Variants in SURF2 observed in about 807,000 individuals in gnomAD.
The protein encoded by SURF2 is surfeit locus protein 2.
In SURF2, 32 loss-of-function variants were observed where a neutral mutation model predicts 26.2. The ratio of observed to expected loss-of-function variants is 1.22; its 90% CI spans 0.92 to 1.64. SURF2 has a LOEUF of 1.64. Ranked by LOEUF, SURF2 falls within the 40% of genes most tolerant of loss-of-function variation. The probability of loss-of-function intolerance (pLI) is 0.00; values close to 1 mark genes in which losing one functional copy is unlikely to be tolerated. For missense variants in SURF2, 415 were observed against 341.6 expected (o/e 1.21, Z -1.69); for synonymous variants, 173 against 139.1 (o/e 1.24, Z -1.71).
rs2130050984 is a variant in SURF2, at chr9:133,360,388, G to A, written c.641G>A (p.Arg214Lys). Residue 214 changes from arginine to lysine, a missense_variant, in exon 5 of 6, where the codon AGG (arginine) becomes AAG (lysine). By Grantham distance (26) the Arg-to-Lys change is conservative (BLOSUM62 2). Coordinates refer to ENST00000371964, the MANE Select transcript of SURF2 (RefSeq NM_017503.5). ...AGAGAGAAGGCCACTGATGAGGGCA[G>A]GAGAGAGACGACCGTGTACCGAGGG... is the stretch of plus-strand genomic sequence containing the variant. ...PPREKATDEG[R>K]RETTVYRGLV... 2 of 1,613,236 alleles carry A rather than the reference G, an allele frequency of 1.2e-6. No individual in the cohort carries two copies. The highest frequency in any genetic ancestry group is 1.1e-5 in the South Asian group (1 of 91,052).
chr9:133,359,276 C>T (rs1422094349), intron 3 of SURF2, among the ~76,000 whole-genome samples: 2 of 152,142 alleles, frequency 1.3e-5, no homozygotes, highest in Non-Finnish European at 2.9e-5. Context: ...GTGGCAGAGA[C>T]AAGGAGGGAA....
intron 5 of SURF2, 148 bp from the exon 6 acceptor site, chr9:133,360,908 C>A: frequency 1.3e-6 from 1 of 783,606 alleles, no homozygotes; most frequent in Non-Finnish European, 2.1e-6. Flanking sequence ...AATCCTGCAG[C>A]TGTTAAGGAA....
At chr9:133,360,551 C>T in intron 5 of SURF2, 117 bp downstream of exon 5, 4 of 1,281,752 alleles carry the variant, frequency 3.1e-6, no homozygotes, top group Non-Finnish European at 4.2e-6. Context: ...GCCAACAACA[C>T]ACAAGAACCA....
intron 1 of SURF2, 111 bp from the exon 2 acceptor site, chr9:133,356,803 G>C: frequency 7.1e-7 from 1 of 1,415,098 alleles, no homozygotes; most frequent in Non-Finnish European, 9.3e-7. Context: ...GAGGGCAGGG[G>C]AGAGGGCGCG....
At chr9:133,358,384 C>T (rs1399374838) in intron 3 of SURF2, among the ~76,000 whole-genome samples, 1 of 152,020 alleles carries the variant, frequency 6.6e-6, no homozygotes, top group Non-Finnish European at 1.5e-5. Flanking sequence ...TCCTTGACTG[C>T]GGTCATCCAG....
intron 2 of SURF2, 50 bp downstream of exon 2, chr9:133,357,118 C>A: frequency 6.8e-7 from 1 of 1,471,902 alleles, no homozygotes. Context: ...TAGGACAGCC[C>A]CTCCGCTGGA....
In SURF2 at chr9:133,360,343, A is replaced by G; in HGVS notation, c.596A>G (p.Asp199Gly). Residue 199 changes from aspartate to glycine, a missense_variant, in exon 5 of 6, where the codon GAT (aspartate) becomes GGT (glycine). Coordinates refer to ENST00000371964, the MANE Select transcript of SURF2 (RefSeq NM_017503.5). ...GATGACTTTTTGACAGACAAAGAGG[A>G]TGAGAAGGCAAAGCCCCCAAGAGAG... is the stretch of plus-strand genomic sequence containing the variant. ...GTDDFLTDKE[D>G]EKAKPPREKA... 6 of 1,614,172 alleles carry G rather than the reference A, an allele frequency of 3.7e-6. No individual in the cohort carries two copies. The highest frequency in any genetic ancestry group is 4.2e-6 in the Non-Finnish European group (5 of 1,180,034).
At chr9:133,357,632 G>A in intron 2 of SURF2, 79 bp from the exon 3 acceptor site, 1 of 1,375,950 alleles carries the variant, frequency 7.3e-7, no homozygotes, top group Non-Finnish European at 1.0e-6. Flanking sequence ...GACTGTCCAG[G>A]GATGAGTCCA....
intron 3 of SURF2, 42 bp downstream of exon 3, chr9:133,357,856 T>G: frequency 6.3e-7 from 1 of 1,586,792 alleles, no homozygotes; most frequent in Non-Finnish European, 8.6e-7. Context: ...GCCATCTGAG[T>G]GCATGCCCGC....
intron 3 of SURF2, among the ~76,000 whole-genome samples, chr9:133,358,845 C>T (rs2130040729): frequency 6.6e-5 from 10 of 152,124 alleles, no homozygotes; most frequent in Admixed American, 1.3e-4. Context: ...GAGGCTGGAG[C>T]GGACAGATTC....
chr9:133,356,802 G>A, intron 1 of SURF2, 112 bp from the exon 2 acceptor site: 1 of 1,432,194 alleles, frequency 7.0e-7, no homozygotes, highest in South Asian at 1.4e-5. Context: ...GGAGGGCAGG[G>A]GAGAGGGCGC....
chr9:133,356,681 C>A lies in SURF2; in HGVS notation c.78+11C>A. ...ACGGACGCCCGCAAGGTTCGCAGCG[C>A]GGGAGGGGAACGGAGTGGCGGAGAA... On this transcript the variant is annotated intron_variant, in intron 1 of 5. Coordinates refer to ENST00000371964, the MANE Select transcript of SURF2 (RefSeq NM_017503.5). The A allele has an allele frequency of 1.3e-6, 2 of 1,485,818 alleles. No homozygotes were observed. Among genetic ancestry groups the A allele is most frequent in the South Asian group, 2.5e-5 (2 of 80,148 alleles). 92.0% of individuals were successfully genotyped at this position (1,485,818 alleles called of 1,614,324 possible). A position where few individuals can be genotyped will look rare whatever the true frequency, so the allele number is the denominator to read the frequency against.
intron 3 of SURF2, among the ~76,000 whole-genome samples, chr9:133,358,128 G>A (rs2130038502): frequency 2.0e-5 from 3 of 152,284 alleles, no homozygotes; most frequent in African/African-American, 4.8e-5. Flanking sequence ...TGAGGGATTC[G>A]CTCGAGGCTG....
Position 133,356,988 on chromosome 9 carries a change from G to C in SURF2, c.153G>C (p.Lys51Asn). 1 of 1,572,532 alleles carries C rather than the reference G, an allele frequency of 6.4e-7. No homozygotes were observed. Among genetic ancestry groups the C allele is most frequent in the African/African-American group, 1.3e-5 (1 of 74,274 alleles). ...TCCAGGTCTACACCCGCGGCAAAAA[G>C]TACCAGCGGCTGGTCCGCGCCTCCC... ...PELQVYTRGK[K>N]YQRLVRASPA... Residue 51 changes from lysine to asparagine, a missense_variant, in exon 2 of 6, where the codon AAG (lysine) becomes AAC (asparagine). By Grantham distance (94) the Lys-to-Asn change is moderately conservative (BLOSUM62 0). Coordinates refer to ENST00000371964, the MANE Select transcript of SURF2 (RefSeq NM_017503.5).
Position 133,360,072 on chromosome 9 carries a change from A to G in SURF2, c.460A>G (p.Thr154Ala). The G allele has an allele frequency of 1.9e-6, 3 of 1,613,978 alleles. No individual in the cohort carries two copies. The highest frequency in any genetic ancestry group is 2.5e-6 in the Non-Finnish European group (3 of 1,179,894). The change falls in exon 4 of 6, where the codon ACA becomes GCA. Residue 154 changes from threonine (T) to alanine (A), a missense_variant. By Grantham distance (58) the Thr-to-Ala change is moderately conservative (BLOSUM62 0). Transcript: ENST00000371964. ...CCCGCGGGAAGCCTTCTGGGAGCCC[A>G]CATCCAGTGATGAGGGGGGAGCTGC... Reference protein sequence around the residue: ...PRPREAFWEPTSSDEGGAASD... With the variant: ...PRPREAFWEPASSDEGGAASD...
chr9:133,357,243 G>GA, intron 2 of SURF2, 175 bp downstream of exon 2: 2 of 738,238 alleles, frequency 2.7e-6, no homozygotes, highest in Non-Finnish European at 4.1e-6. Context: ...TGGTGAGCTC[G>GA]TTTGCTCACC....
intron 5 of SURF2, 148 bp from the exon 6 acceptor site, chr9:133,360,908 C>G (rs967545334): frequency 1.7e-5 from 13 of 783,488 alleles, no homozygotes; most frequent in Non-Finnish European, 2.8e-5. Flanking sequence ...AATCCTGCAG[C>G]TGTTAAGGAA....
At position 133,357,050 on chromosome 9, in the gene SURF2, T is replaced by C. The variant is rs1330774924; in HGVS notation, c.215T>C (p.Val72Ala). 1 of 1,580,802 alleles carries C rather than the reference T, an allele frequency of 6.3e-7. No homozygotes were observed. Among genetic ancestry groups the C allele is most frequent in the Non-Finnish European group, 8.6e-7 (1 of 1,165,022 alleles). The change falls in exon 2 of 6, where the codon GTG (valine) becomes GCG (alanine). Residue 72 changes from valine (V) to alanine (A), a missense_variant. Coordinates refer to ENST00000371964, the MANE Select transcript of SURF2 (RefSeq NM_017503.5). The part of the protein sequence containing the change: ...FDYAEFEPHI[V>A]PSTKNPHQLF... Reference sequence around the variant, plus strand: ...TATGCAGAGTTCGAGCCGCACATCGTGCCCAGCACCAAGAACCCGTAGGTG... The same window carrying C: ...TATGCAGAGTTCGAGCCGCACATCGCGCCCAGCACCAAGAACCCGTAGGTG...
At chr9:133,357,641 C>G (rs2130035161) in intron 2 of SURF2, 70 bp from the exon 3 acceptor site, 10 of 1,486,144 alleles carry the variant, frequency 6.7e-6, no homozygotes, top group Non-Finnish European at 8.4e-6. Context: ...GGGATGAGTC[C>G]AAGACACAGC....
Sources: allele counts gnomAD v4.1 joint callset (sites outside exome capture counted in the v4.1 genomes callset), GRCh38; gene constraint gnomAD v4.1.1; transcripts MANE v1.5; gene names NCBI Gene and HGNC (gene_info 2026-07-23, HGNC 2026-07-21).